The following ZNF140 variants were observed in gnomAD, a reference collection of about 807,000 sequenced individuals.
ZNF140 encodes the protein zinc finger protein 140 (clone pHZ-39).
Under a neutral mutation model 12.9 loss-of-function variants are expected in ZNF140, and 13 were observed. The observed-to-expected ratio is 1.01, with a 90% CI of 0.66 to 1.60. The LOEUF (loss-of-function observed/expected upper bound fraction) is 1.60, where lower values mean the gene tolerates loss of function less well. ZNF140 is among the 40% of genes most tolerant of loss of function. The pLI is 0.00. For missense variants in ZNF140, 531 were observed against 548.8 expected, an observed-to-expected ratio of 0.97 and a Z score of 0.32; for synonymous variants, 214 against 186.7, an observed-to-expected ratio of 1.15 and a Z score of -1.19.
rs772500228 is a variant in ZNF140 at position 133,106,430 on chromosome 12, T to C, written c.1153T>C (p.Tyr385His). The C allele has an allele frequency of 1.9e-6, 3 of 1,614,136 alleles. No homozygotes were observed. Among genetic ancestry groups the C allele is most frequent in the South Asian group, 2.2e-5 (2 of 91,086 alleles). ...HTKSHTGEKPYACAECDKAFS... is the reference protein window; with the variant it reads ...HTKSHTGEKPHACAECDKAFS... ...GAAGAGTCACACTGGAGAGAAACCC[T>C]ATGCGTGTGCTGAATGTGATAAAGC... Residue 385 changes from tyrosine (Y) to histidine (H), a missense_variant, in exon 5 of 5, where the codon TAT becomes CAT. Physicochemically the swap from Tyr to His is moderately conservative, Grantham distance 83 (BLOSUM62 2). Coordinates refer to ENST00000355557, the MANE Select transcript of ZNF140 (RefSeq NM_003440.4).
At chr12:133,095,769 A>T (rs112656801) in intron 4 of ZNF140, among the ~76,000 whole-genome samples, 338 of 150,128 alleles carry the variant, frequency 2.3e-3, no homozygotes, top group African/African-American at 6.9e-3. Flanking sequence ...GGTTTAAGGG[A>T]AGGTACTATG....
intron 4 of ZNF140, among the ~76,000 whole-genome samples, chr12:133,097,499 C>T (rs896623106): frequency 6.6e-6 from 1 of 151,886 alleles, no homozygotes; most frequent in Admixed American, 6.6e-5. Flanking sequence ...AAATATTAGC[C>T]AGGTGTGGTG....
At position 133,097,831 on chromosome 12, in the gene ZNF140, G is replaced by GTGTT. The variant is rs1260392225; in HGVS notation, c.233-7676_233-7675insTTGT. ...ACCACATCTAACCATGTGTGTGTGT[G>GTGTT]TGTGTGTGTGTGTGTGTGTTTTTGA... On this transcript the variant is annotated intron_variant, in intron 4 of 4. Coordinates refer to ENST00000355557, the MANE Select transcript of ZNF140 (RefSeq NM_003440.4). Among the ~76,000 whole-genome samples the GTGTT allele has an allele frequency of 3.3e-5, 5 of 149,402 alleles. No individual in the cohort carries two copies. The East Asian group carries it at 9.7e-4, about 29-fold the overall frequency.
chr12:133,083,245 C>A lies in ZNF140; in HGVS notation c.136+16C>A, dbSNP rs770118193. 4.8e-5 allele frequency: 77 copies of A among 1,601,498 alleles called. No individual in the cohort carries two copies. Among genetic ancestry groups the A allele is most frequent in the Non-Finnish European group, 6.2e-5 (72 of 1,170,702 alleles). On this transcript the variant is annotated intron_variant, in intron 3 of 4. Transcript: ENST00000355557. ...GTCTCACTGGGTAAGTATTCTTCTT[C>A]ATCTCCCTCAAGGCAAAATTTGACC...
chr12:133,092,669 G>A (rs372630410), intron 4 of ZNF140, among the ~76,000 whole-genome samples: 1 of 151,090 alleles, frequency 6.6e-6, no homozygotes, highest in East Asian at 1.9e-4. Context: ...CCATGGATAG[G>A]GTGATTCTAG....
intron 4 of ZNF140, among the ~76,000 whole-genome samples, chr12:133,085,537 TC>T (rs1468494550): frequency 6.6e-6 from 1 of 152,222 alleles, no homozygotes; most frequent in Non-Finnish European, 1.5e-5. Flanking sequence ...TTCTGTGTGC[TC>T]ATCCTAACCC....
chr12:133,088,418 A>G (rs1425984981), intron 4 of ZNF140, among the ~76,000 whole-genome samples: 1 of 152,198 alleles, frequency 6.6e-6, no homozygotes, highest in Non-Finnish European at 1.5e-5. Flanking sequence ...TTTTAGTTAC[A>G]TGTCTTTTCA....
intron 4 of ZNF140, among the ~76,000 whole-genome samples, chr12:133,098,588 TC>T (rs1447323859): frequency 6.6e-6 from 1 of 152,228 alleles, no homozygotes; most frequent in Non-Finnish European, 1.5e-5. Context: ...CTGTGCCACT[TC>T]ATGTGTAGTG....
At chr12:133,082,977 T>C in intron 2 of ZNF140, 126 bp from the exon 3 acceptor site, 1 of 1,420,932 alleles carries the variant, frequency 7.0e-7, no homozygotes, top group Non-Finnish European at 9.6e-7. Flanking sequence ...CTCAGAATTC[T>C]GAAAACTCTC....
chr12:133,081,264 C>T lies in ZNF140; in HGVS notation c.-48-9C>T, dbSNP rs1294651439. 6.6e-7 allele frequency: 1 copy of T among 1,520,252 alleles called. No individual in the cohort carries two copies. Among genetic ancestry groups the T allele is most frequent in the Non-Finnish European group, 9.0e-7 (1 of 1,116,512 alleles). The allele number at this position is 1,520,252 out of a possible 1,614,324, so 94.2% of individuals were successfully genotyped here. A position where few individuals can be genotyped will look rare whatever the true frequency, so the allele number is the denominator to read the frequency against. ...CTGTTCGCTCAGGGCTCCTTTCTCT[C>T]TCTGCCAGGTCTGCCATTTTACACT... is the stretch of plus-strand genomic sequence containing the variant. On this transcript the variant is annotated splice_polypyrimidine_tract_variant and intron_variant, in intron 1 of 4. Coordinates refer to ENST00000355557, the MANE Select transcript of ZNF140 (RefSeq NM_003440.4).
upstream of ZNF140, chr12:133,080,734 C>G (rs1363593202): frequency 6.6e-6 from 1 of 152,412 alleles, no homozygotes; most frequent in Non-Finnish European, 1.5e-5. Flanking sequence ...TCCTGGCGTT[C>G]TGGGCACGGC....
In ZNF140 at chr12:133,105,496, T is replaced by TC; in HGVS notation, c.233-14_233-13insC. The TC allele has an allele frequency of 1.3e-6, 2 of 1,562,604 alleles. No homozygotes were observed. Among genetic ancestry groups the TC allele is most frequent in the Non-Finnish European group, 1.7e-6 (2 of 1,158,846 alleles). ...GGAAAAAGAAACATTCACTTTTTTTTTGGTATCTTTCAGTTTCAGAGTCAA... is the reference window on the plus strand; with the variant it reads ...GGAAAAAGAAACATTCACTTTTTTTTCTGGTATCTTTCAGTTTCAGAGTCAA... On this transcript the variant is annotated splice_polypyrimidine_tract_variant and intron_variant, in intron 4 of 4. Coordinates refer to ENST00000355557, the MANE Select transcript of ZNF140 (RefSeq NM_003440.4).
intron 4 of ZNF140, among the ~76,000 whole-genome samples, chr12:133,098,000 A>G (rs1955198813): frequency 6.6e-6 from 1 of 151,786 alleles, no homozygotes; most frequent in South Asian, 2.1e-4. Flanking sequence ...CACCTGGCTA[A>G]TTTTTGTATT....
At chr12:133,089,655 C>T (rs748362888) in intron 4 of ZNF140, among the ~76,000 whole-genome samples, 3 of 152,106 alleles carry the variant, frequency 2.0e-5, no homozygotes, top group Non-Finnish European at 4.4e-5. Flanking sequence ...TCATGGTATT[C>T]CTTTATTATC....
At chr12:133,104,895 C>A (rs1022927160) in intron 4 of ZNF140, among the ~76,000 whole-genome samples, 3 of 151,888 alleles carry the variant, frequency 2.0e-5, no homozygotes, top group Non-Finnish European at 4.4e-5. Flanking sequence ...ATTTTGTCAC[C>A]CAGGTAATCA....
rs1018158643 is a variant in ZNF140 at position 133,091,151 on chromosome 12, C to T, written c.232+7590C>T. Reference sequence around the variant, plus strand: ...GGGGGACGGTCAGGTCTTTCTCATCCCACGAGGCCATATTTCAGACTCTCA... The same window carrying T: ...GGGGGACGGTCAGGTCTTTCTCATCTCACGAGGCCATATTTCAGACTCTCA... On this transcript the variant is annotated intron_variant, in intron 4 of 4. Transcript: ENST00000355557. 2.8e-4 allele frequency among the ~76,000 whole-genome samples: 42 copies of T among 150,020 alleles called. 3 individuals are homozygous for T. The highest frequency in any genetic ancestry group is 5.0e-4 in the Non-Finnish European group (34 of 67,400).
At position 133,106,222 on chromosome 12, in the gene ZNF140, C is replaced by T; in HGVS notation, c.945C>T (p.His315=). Residue 315 remains histidine (H), a synonymous_variant, in exon 5 of 5, where the codon CAC becomes CAT. Transcript: ENST00000355557. The part of the protein sequence containing the change: ...ECGKAFRRFS[H]LTRHQSIHTT... Reference sequence around the variant, plus strand: ...GGAAGGCATTTCGCCGTTTCTCACACCTTACTCGACATCAGAGCATCCATA... The same window carrying T: ...GGAAGGCATTTCGCCGTTTCTCACATCTTACTCGACATCAGAGCATCCATA... The T allele has an allele frequency of 2.5e-6, 4 of 1,614,210 alleles. No homozygotes were observed. The highest frequency in any genetic ancestry group is 3.4e-6 in the Non-Finnish European group (4 of 1,180,030).
At chr12:133,101,026 TG>T (rs1955328250) in intron 4 of ZNF140, 2 of 452,694 alleles carry the variant, frequency 4.4e-6, no homozygotes, top group Admixed American at 2.4e-5. Flanking sequence ...AGAGGACTAC[TG>T]TAATTCCCAG....
At chr12:133,088,551 G>C (rs1391837884) in intron 4 of ZNF140, among the ~76,000 whole-genome samples, 1 of 152,304 alleles carries the variant, frequency 6.6e-6, no homozygotes, top group African/African-American at 2.4e-5. Flanking sequence ...TGACAATTTT[G>C]AATAAAGCAC....
Sources: gnomAD v4.1 joint callset for allele counts (sites outside exome capture counted in the v4.1 genomes callset) on GRCh38, gnomAD v4.1.1 for gene constraint, MANE v1.5 for transcripts, NCBI Gene and HGNC (gene_info 2026-07-23, HGNC 2026-07-21) for gene names.